Variants in ODAD2 observed in about 807,000 individuals in gnomAD.
ODAD2 encodes the protein outer dynein arm-docking complex subunit 2.
ODAD2 carries 89 observed loss-of-function variants against 106.8 expected under a neutral mutation model. The observed-to-expected ratio is 0.83, with a 90% confidence interval of 0.70 to 0.99. The LOEUF (loss-of-function observed/expected upper bound fraction) is 0.99. Ranked by LOEUF, ODAD2 falls within the 50% of genes least tolerant of loss-of-function variation. The probability of loss-of-function intolerance (pLI) is 0.00; values close to 1 mark genes in which losing one functional copy is unlikely to be tolerated. For synonymous variants in ODAD2, 404 were observed against 436.2 expected (o/e 0.93, Z 0.92); for missense variants, 1,168 against 1,238.5 (o/e 0.94, Z 0.85).
intron 1 of ODAD2, among the ~76,000 whole-genome samples, chr10:27,996,858 G>T (rs1432241515): frequency 2.0e-5 from 3 of 152,166 alleles, no homozygotes; most frequent in Non-Finnish European, 4.4e-5. Context: ...TGTAAGGCTG[G>T]ACATCTGACT....
At position 27,860,751 on chromosome 10, in the gene ODAD2, C is replaced by T. The variant is rs751289620; in HGVS notation, c.2895G>A (p.Val965=). 1.2e-6 allele frequency: 2 copies of T among 1,614,142 alleles called. No individual in the cohort carries two copies. The highest frequency in any genetic ancestry group is 2.2e-5 in the South Asian group (2 of 91,082). ...NRVAFGEHKA[V]APLVRYLKSN... Reference sequence around the variant, plus strand: ...ATTTCAGATAACGCACTAGTGGAGCCACTGCTTTGTGCTCACCGAAGGCCA... The same window carrying T: ...ATTTCAGATAACGCACTAGTGGAGCTACTGCTTTGTGCTCACCGAAGGCCA... The change falls in exon 19 of 20, where the codon GTG becomes GTA. Residue 965 remains valine (V), a synonymous_variant. Coordinates refer to ENST00000305242, the MANE Select transcript of ODAD2 (RefSeq NM_018076.5).
intron 19 of ODAD2, among the ~76,000 whole-genome samples, chr10:27,850,650 A>T (rs1839192121): frequency 6.6e-6 from 1 of 152,160 alleles, no homozygotes; most frequent in South Asian, 2.1e-4. Flanking sequence ...CTCTAAGAGA[A>T]AATATCAAAA....
chr10:27,923,925 T>TAG (rs1332451768), intron 16 of ODAD2, among the ~76,000 whole-genome samples: 1 of 132,426 alleles, frequency 7.6e-6, no homozygotes, highest in Non-Finnish European at 1.6e-5. Context: ...TTCCAGGTGA[T>TAG]AGAGAGAGAC....
chr10:27,881,979 A>C (rs998424353), intron 17 of ODAD2, among the ~76,000 whole-genome samples: 1 of 151,938 alleles, frequency 6.6e-6, no homozygotes, highest in Non-Finnish European at 1.5e-5. Context: ...CAGACTCGAC[A>C]ACATGGTGAA....
At chr10:27,919,407 T>C (rs1462763613) in intron 16 of ODAD2, among the ~76,000 whole-genome samples, 1 of 152,056 alleles carries the variant, frequency 6.6e-6, no homozygotes, top group African/African-American at 2.4e-5. Context: ...GAAAAATTAC[T>C]CCACAGTACA....
At chr10:27,846,010 C>A (rs9769304) in intron 19 of ODAD2, among the ~76,000 whole-genome samples, 11 of 152,054 alleles carry the variant, frequency 7.2e-5, no homozygotes, top group Non-Finnish European at 1.0e-4. Flanking sequence ...ATTAGACAGA[C>A]CAATGAGACA....
chr10:27,857,808 C>T (rs540456830), intron 19 of ODAD2, among the ~76,000 whole-genome samples: 2 of 152,258 alleles, frequency 1.3e-5, no homozygotes, highest in East Asian at 1.9e-4. Flanking sequence ...TATGAATAGG[C>T]GACACGGTGA....
chr10:27,950,313 G>A (rs1447218869), intron 10 of ODAD2, among the ~76,000 whole-genome samples: 1 of 152,188 alleles, frequency 6.6e-6, no homozygotes, highest in Non-Finnish European at 1.5e-5. Flanking sequence ...AGTGCTCACA[G>A]TGAGTGGTGT....
In ODAD2 at chr10:27,860,649, G is replaced by T; in HGVS notation, c.2997C>A (p.Thr999=). The change falls in exon 19 of 20, where the codon ACC becomes ACA. Residue 999 remains threonine (T), a synonymous_variant. Transcript: ENST00000305242. ...QLSEDADNCI[T]MHENGAVKLL... is the part of the protein sequence containing the mutation. ...CCTTTACTGCACCATTCTCATGCAT[G>T]GTGATGCAGTTATCGGCGTCTTCTG... 6.2e-7 allele frequency: 1 copy of T among 1,613,942 alleles called. No individual in the cohort carries two copies. The highest frequency in any genetic ancestry group is 8.5e-7 in the Non-Finnish European group (1 of 1,179,934).
intron 19 of ODAD2, among the ~76,000 whole-genome samples, chr10:27,825,183 T>C (rs1181473790): frequency 6.6e-6 from 1 of 152,138 alleles, no homozygotes; most frequent in Non-Finnish European, 1.5e-5. Flanking sequence ...GGCTTTACCT[T>C]CAAAATAAAC....
chr10:27,833,555 C>G (rs1209484730), intron 19 of ODAD2, among the ~76,000 whole-genome samples: 1 of 152,182 alleles, frequency 6.6e-6, no homozygotes, highest in Non-Finnish European at 1.5e-5. Flanking sequence ...AAGTATGTAT[C>G]TCTCCTCAAA....
chr10:27,927,256 G>A (rs886513359), intron 16 of ODAD2, among the ~76,000 whole-genome samples: 3 of 152,060 alleles, frequency 2.0e-5, no homozygotes, highest in Admixed American at 2.0e-4. Context: ...ATAAAACTGT[G>A]CTAAGGGTTT....
intron 17 of ODAD2, among the ~76,000 whole-genome samples, chr10:27,896,721 G>C (rs187586119): frequency 6.6e-6 from 1 of 151,912 alleles, no homozygotes; most frequent in African/African-American, 2.4e-5. Context: ...CTCCATCTGT[G>C]CTTGTGTATG....
chr10:27,972,320 T>C lies in ODAD2; in HGVS notation c.937-1007A>G, dbSNP rs562724887. ...AACCAATAGCATAAATAAAATGGAA[T>C]CATTTTAAAAAGCTCAATTCAAAAG... On this transcript the variant is annotated intron_variant, in intron 7 of 19. Coordinates refer to ENST00000305242, the MANE Select transcript of ODAD2 (RefSeq NM_018076.5). Among the ~76,000 whole-genome samples the C allele has an allele frequency of 7.2e-5, 11 of 151,968 alleles. No individual in the cohort carries two copies. The East Asian group carries it at 2.1e-3, about 29-fold the overall frequency.
At chr10:27,996,436 G>C (rs928999251) in intron 1 of ODAD2, among the ~76,000 whole-genome samples, 1 of 152,124 alleles carries the variant, frequency 6.6e-6, no homozygotes, top group Non-Finnish European at 1.5e-5. Flanking sequence ...GAGATGTCTA[G>C]TTATCAACAT....
intron 16 of ODAD2, among the ~76,000 whole-genome samples, chr10:27,909,348 T>G (rs1331008319): frequency 6.6e-6 from 1 of 152,096 alleles, no homozygotes; most frequent in African/African-American, 2.4e-5. Context: ...CTGGACAAAA[T>G]TTCACAATTA....
intron 9 of ODAD2, among the ~76,000 whole-genome samples, chr10:27,963,882 A>G (rs1848320646): frequency 1.3e-5 from 2 of 152,136 alleles, no homozygotes; most frequent in Admixed American, 6.6e-5. Flanking sequence ...AATTCTCTCA[A>G]CAATCTATGA....
chr10:27,913,375 A>G (rs986996500), intron 16 of ODAD2, among the ~76,000 whole-genome samples: 1 of 152,104 alleles, frequency 6.6e-6, no homozygotes, highest in Non-Finnish European at 1.5e-5. Context: ...AAGTGAGAAC[A>G]TGCGGTATTT....
At chr10:27,815,261 C>T (rs1280438085) in intron 19 of ODAD2, among the ~76,000 whole-genome samples, 1 of 152,316 alleles carries the variant, frequency 6.6e-6, no homozygotes, top group East Asian at 1.9e-4. Context: ...TTCTCTTCTA[C>T]TTTAGCTTTC....
Sources: allele counts gnomAD v4.1 joint callset (sites outside exome capture counted in the v4.1 genomes callset), GRCh38; gene constraint gnomAD v4.1.1; transcripts MANE v1.5; gene names NCBI Gene and HGNC (gene_info 2026-07-23, HGNC 2026-07-21).